The following TSPAN18 variants were observed in gnomAD, a reference collection of about 807,000 sequenced individuals.
TSPAN18 encodes the protein tetraspanin-18.
A neutral mutation model predicts 27.3 loss-of-function variants in TSPAN18; 14 were observed. The ratio of observed to expected loss-of-function variants is 0.51; its 90% CI spans 0.34 to 0.80. The LOEUF (loss-of-function observed/expected upper bound fraction) is 0.80. Ranked by LOEUF, TSPAN18 falls within the 30% of genes least tolerant of loss-of-function variation. The probability of loss-of-function intolerance (pLI) is 0.01; values close to 1 mark genes in which losing one functional copy is unlikely to be tolerated. For missense variants in TSPAN18, 268 were observed against 323.9 expected, an observed-to-expected ratio of 0.83 and a Z score of 1.32; for synonymous variants, 143 against 136.5, an observed-to-expected ratio of 1.05 and a Z score of -0.33.
In TSPAN18 at chr11:44,741,521, T is replaced by A. The variant is rs550608548; in HGVS notation, c.-240+14234T>A. On this transcript the variant is annotated intron_variant, in intron 1 of 9. Transcript: ENST00000520358. ...GATAGAATATTTTTGGAAAAAAAAA[T>A]AATGATGATGATAATGTAGCTAAAG... 3.4e-3 allele frequency among the ~76,000 whole-genome samples: 483 copies of A among 144,158 alleles called. 2 individuals carry two copies. Among genetic ancestry groups the A allele is most frequent in the African/African-American group, 0.013 (436 of 34,474 alleles). The allele number at this position is 144,158 out of a possible 152,430, so 94.6% of individuals were successfully genotyped here.
intron 8 of TSPAN18, among the ~76,000 whole-genome samples, chr11:44,923,104 A>T (rs1017089887): frequency 3.3e-5 from 5 of 152,144 alleles, no homozygotes; most frequent in African/African-American, 1.2e-4. Context: ...GTGAGACTCC[A>T]TCTCAAAAAA....
Position 44,919,849 on chromosome 11 carries a change from CTTTAAG to C in TSPAN18, c.469_474del (p.Lys157_Phe158del). ...GCTGCGGGGTCAACGGGCCTGAAGA[CTTTAAG>C]TTTGCATCTGTGTTTCGACTCCTGA... On this transcript the variant is annotated inframe_deletion, in exon 8 of 10. Transcript: ENST00000520358. 4.3e-6 allele frequency: 7 copies of C among 1,614,206 alleles called. No homozygotes were observed. The highest frequency in any genetic ancestry group is 5.9e-6 in the Non-Finnish European group (7 of 1,180,038).
At chr11:44,742,308 C>T (rs528665720) in intron 1 of TSPAN18, among the ~76,000 whole-genome samples, 26 of 137,842 alleles carry the variant, frequency 1.9e-4, no homozygotes, top group African/African-American at 6.9e-4. Flanking sequence ...TCCCTCCCTC[C>T]CTTTTTTCCT....
Position 44,754,345 on chromosome 11 carries a change from C to T in TSPAN18, c.-239-10081C>T, listed in dbSNP as rs528467097. Among the ~76,000 whole-genome samples, 10 of 152,240 alleles carry T rather than the reference C, an allele frequency of 6.6e-5. No individual in the cohort carries two copies. In the South Asian group the frequency reaches 8.3e-4, roughly 13 times the overall value. ...AGTTTAGAAACATCTCTATTACTGG[C>T]GTGTGGCTTTTTAATACTGCTTCTC... On this transcript the variant is annotated intron_variant, in intron 1 of 9. Coordinates refer to ENST00000520358, the MANE Select transcript of TSPAN18 (RefSeq NM_130783.5).
chr11:44,894,533 C>T (rs1858971423), intron 3 of TSPAN18, among the ~76,000 whole-genome samples: 1 of 152,252 alleles, frequency 6.6e-6, no homozygotes, highest in Non-Finnish European at 1.5e-5. Flanking sequence ...AATCAGAGAG[C>T]CCCTCCTGGG....
At chr11:44,817,019 C>T (rs935793640) in intron 2 of TSPAN18, among the ~76,000 whole-genome samples, 9 of 152,202 alleles carry the variant, frequency 5.9e-5, no homozygotes, top group Non-Finnish European at 1.2e-4. Flanking sequence ...CTGGAGCTAG[C>T]GAGGTGGGGC....
intron 2 of TSPAN18, among the ~76,000 whole-genome samples, chr11:44,781,788 C>T (rs994827857): frequency 2.0e-5 from 3 of 152,184 alleles, no homozygotes; most frequent in African/African-American, 4.8e-5. Context: ...TGTCAGTCCC[C>T]GTAAGATAGA....
chr11:44,906,190 G>C (rs1305696271), intron 3 of TSPAN18, among the ~76,000 whole-genome samples: 4 of 152,228 alleles, frequency 2.6e-5, no homozygotes, highest in African/African-American at 9.7e-5. Context: ...CAGAGAGGTA[G>C]AGTAATTTGC....
intron 1 of TSPAN18, among the ~76,000 whole-genome samples, chr11:44,753,377 G>A (rs576297773): frequency 3.9e-5 from 6 of 151,930 alleles, no homozygotes; most frequent in Admixed American, 1.3e-4. Flanking sequence ...CGATCCGCCC[G>A]CCTCAGCCTC....
chr11:44,870,863 ACT>A (rs1858175379), intron 3 of TSPAN18, among the ~76,000 whole-genome samples: 1 of 152,064 alleles, frequency 6.6e-6, no homozygotes, highest in Non-Finnish European at 1.5e-5. Flanking sequence ...ATTGGGGTTC[ACT>A]CTGTCTTATG....
chr11:44,923,969 C>A (rs1339030852), intron 8 of TSPAN18, among the ~76,000 whole-genome samples: 4 of 152,196 alleles, frequency 2.6e-5, no homozygotes, highest in African/African-American at 9.7e-5. Context: ...AGGTGCCACA[C>A]AGCAGGGCTC....
chr11:44,823,465 G>A (rs1014351396), intron 2 of TSPAN18, among the ~76,000 whole-genome samples: 8 of 151,678 alleles, frequency 5.3e-5, no homozygotes, highest in South Asian at 2.1e-4. Flanking sequence ...AATGGTGAGT[G>A]CATGCCAATT....
intron 3 of TSPAN18, among the ~76,000 whole-genome samples, chr11:44,879,430 GGACA>G (rs1858428701): frequency 6.6e-6 from 1 of 152,184 alleles, no homozygotes; most frequent in Admixed American, 6.5e-5. Context: ...CACAAAGAGG[GGACA>G]GACAGTGATG....
At chr11:44,887,064 G>C (rs550252257) in intron 3 of TSPAN18, among the ~76,000 whole-genome samples, 2 of 152,324 alleles carry the variant, frequency 1.3e-5, no homozygotes, top group African/African-American at 2.4e-5. Flanking sequence ...CAAAGTACCA[G>C]AGTGAAAAAG....
intron 1 of TSPAN18, among the ~76,000 whole-genome samples, chr11:44,746,909 G>A (rs916477283): frequency 6.6e-6 from 1 of 152,240 alleles, no homozygotes; most frequent in Non-Finnish European, 1.5e-5. Context: ...GGGAGACTCA[G>A]TTCTTAGGGA....
At position 44,807,985 on chromosome 11, in the gene TSPAN18, C is replaced by T. The variant is rs191815309; in HGVS notation, c.-153+43473C>T. Among the ~76,000 whole-genome samples the T allele has an allele frequency of 1.8e-3, 272 of 152,160 alleles. 1 individual carries two copies. Among genetic ancestry groups the T allele is most frequent in the African/African-American group, 6.0e-3 (251 of 41,498 alleles). ...TCCGAGGCTCTGAGCTGGGGATCTCCCCTAGAATGTGGGACCCTGGGGTGC... is the reference window on the plus strand; with the variant it reads ...TCCGAGGCTCTGAGCTGGGGATCTCTCCTAGAATGTGGGACCCTGGGGTGC... On this transcript the variant is annotated intron_variant, in intron 2 of 9. Coordinates refer to ENST00000520358, the MANE Select transcript of TSPAN18 (RefSeq NM_130783.5).
Position 44,929,243 on chromosome 11 carries a change from G to T in TSPAN18, c.*65G>T. ...ACTGCCCAGCACCCAGTGTCCTCCCGTGCCCCTCCCCGCTGTCCTCTTGGC... is the reference window on the plus strand; with the variant it reads ...ACTGCCCAGCACCCAGTGTCCTCCCTTGCCCCTCCCCGCTGTCCTCTTGGC... On this transcript the variant is annotated 3_prime_UTR_variant, in exon 10 of 10. Coordinates refer to ENST00000520358, the MANE Select transcript of TSPAN18 (RefSeq NM_130783.5). 1 of 1,600,246 alleles carries T rather than the reference G, an allele frequency of 6.2e-7. No homozygotes were observed. The highest frequency in any genetic ancestry group is 1.1e-5 in the South Asian group (1 of 90,814).
intron 2 of TSPAN18, among the ~76,000 whole-genome samples, chr11:44,810,865 TC>T (rs540966421): frequency 1.5e-3 from 233 of 152,244 alleles, no homozygotes; most frequent in African/African-American, 5.4e-3. Flanking sequence ...CGCCGTGGCC[TC>T]TCAAAGTGCT....
intron 3 of TSPAN18, among the ~76,000 whole-genome samples, chr11:44,895,013 T>C (rs538290223): frequency 1.3e-5 from 2 of 152,300 alleles, no homozygotes; most frequent in East Asian, 3.9e-4. Flanking sequence ...AGTTTCCTCA[T>C]CTGTAAAATG....
Sources: gnomAD v4.1 joint callset for allele counts (sites outside exome capture counted in the v4.1 genomes callset) on GRCh38, gnomAD v4.1.1 for gene constraint, MANE v1.5 for transcripts, NCBI Gene and HGNC (gene_info 2026-07-23, HGNC 2026-07-21) for gene names.